CTNNA2: variants seen among roughly 807,000 people sequenced by gnomAD.
CTNNA2 encodes the protein catenin alpha-2.
CTNNA2 carries 42 observed loss-of-function variants against 101.0 expected under a neutral mutation model. That is an observed-to-expected ratio of 0.42 (90% CI 0.32 to 0.54). The LOEUF (loss-of-function observed/expected upper bound fraction) is 0.54. CTNNA2 is among the 20% of genes least tolerant of loss of function. The probability of loss-of-function intolerance (pLI) is 0.14; values close to 1 mark genes in which losing one functional copy is unlikely to be tolerated. For missense variants in CTNNA2, 871 were observed against 1,223.1 expected (o/e 0.71, Z 4.29); for synonymous variants, 450 against 456.4 (o/e 0.99, Z 0.18).
chr2:80,323,615 C>T (rs947982262), intron 7 of CTNNA2, among the ~76,000 whole-genome samples: 3 of 151,966 alleles, frequency 2.0e-5, no homozygotes, highest in Non-Finnish European at 2.9e-5. Flanking sequence ...TCTGTACTTT[C>T]ATCCTCTCAT....
At chr2:79,619,175 C>T (rs1678837617) in intron 1 of CTNNA2, among the ~76,000 whole-genome samples, 1 of 152,230 alleles carries the variant, frequency 6.6e-6, no homozygotes, top group African/African-American at 2.4e-5. Context: ...CACTGCACTC[C>T]AGCCTGGGTG....
chr2:79,529,240 T>C (rs1162515422), intron 1 of CTNNA2, among the ~76,000 whole-genome samples: 1 of 152,076 alleles, frequency 6.6e-6, no homozygotes, highest in Non-Finnish European at 1.5e-5. Flanking sequence ...ACAGGACTGA[T>C]TATACAGAAG....
At chr2:79,299,836 C>A (rs967243596) in intron 2 of CTNNA2, among the ~76,000 whole-genome samples, 2 of 152,146 alleles carry the variant, frequency 1.3e-5, no homozygotes, top group Non-Finnish European at 2.9e-5. Context: ...TGAGCTGAGG[C>A]TACTATATGC....
intron 2 of CTNNA2, among the ~76,000 whole-genome samples, chr2:79,735,340 A>T (rs1573826965): frequency 6.6e-6 from 1 of 152,144 alleles, no homozygotes; most frequent in African/African-American, 2.4e-5. Flanking sequence ...TGGCTCGTAG[A>T]CACTACTGAA....
chr2:79,930,970 A>T (rs2104420809), intron 7 of CTNNA2, among the ~76,000 whole-genome samples: 1 of 152,318 alleles, frequency 6.6e-6, no homozygotes, highest in South Asian at 2.1e-4. Flanking sequence ...TTGCCTCTTT[A>T]TTCAACCTGT....
rs190866691 is a variant in CTNNA2 at position 80,562,869 on chromosome 2, A to G, written c.1741+6976A>G. ...TCAAAAAAGGTAAATTATATAACAC[A>G]GGAAGAGAAAGTAAGATACAAAATT... On this transcript the variant is annotated intron_variant, in intron 12 of 18. Transcript: ENST00000402739. Among the ~76,000 whole-genome samples the G allele has an allele frequency of 2.1e-3, 325 of 152,278 alleles. 1 individual carries two copies. The highest frequency in any genetic ancestry group is 6.8e-3 in the Middle Eastern group (2 of 294).
chr2:80,217,822 T>A (rs1209016017), intron 7 of CTNNA2, among the ~76,000 whole-genome samples: 1 of 152,166 alleles, frequency 6.6e-6, no homozygotes, highest in Non-Finnish European at 1.5e-5. Flanking sequence ...CTGGACCACT[T>A]GATATTCTGC....
chr2:79,595,727 G>T (rs950199360), intron 1 of CTNNA2, among the ~76,000 whole-genome samples: 1 of 151,924 alleles, frequency 6.6e-6, no homozygotes, highest in Non-Finnish European at 1.5e-5. Flanking sequence ...GCTATTACAA[G>T]AATCTCTGAA....
Position 79,800,925 on chromosome 2 carries a change from G to A in CTNNA2, c.298+56343G>A, listed in dbSNP as rs77706178. 4.6e-3 allele frequency among the ~76,000 whole-genome samples: 694 copies of A among 152,234 alleles called. 4 individuals are homozygous for A. Among genetic ancestry groups the A allele is most frequent in the African/African-American group, 0.016 (664 of 41,542 alleles). ...TATGGAGATTTACTGAAAAGAACTGGTCCTGAAGACTTTGAAAAATATTCA... is the reference window on the plus strand; with the variant it reads ...TATGGAGATTTACTGAAAAGAACTGATCCTGAAGACTTTGAAAAATATTCA... On this transcript the variant is annotated intron_variant, in intron 3 of 18. Transcript: ENST00000402739.
chr2:79,972,630 C>A (rs151054984), intron 7 of CTNNA2, among the ~76,000 whole-genome samples: 8 of 152,080 alleles, frequency 5.3e-5, no homozygotes, highest in African/African-American at 1.9e-4. Context: ...GTAAGAGCTG[C>A]GGGTGTCTGG....
intron 7 of CTNNA2, among the ~76,000 whole-genome samples, chr2:80,367,653 T>C (rs976725903): frequency 1.3e-5 from 2 of 152,240 alleles, no homozygotes; most frequent in Non-Finnish European, 2.9e-5. Flanking sequence ...AGCATTATGA[T>C]TAACTTTTTT....
chr2:79,666,829 C>T (rs569236403), intron 2 of CTNNA2, among the ~76,000 whole-genome samples: 3 of 152,276 alleles, frequency 2.0e-5, no homozygotes, highest in South Asian at 4.1e-4. Flanking sequence ...TAGCTTAGGT[C>T]GGTTGAGCAT....
intron 11 of CTNNA2, among the ~76,000 whole-genome samples, chr2:80,549,761 C>G (rs1460404260): frequency 1.3e-5 from 2 of 152,152 alleles, no homozygotes; most frequent in Non-Finnish European, 2.9e-5. Flanking sequence ...TTGATCGCCC[C>G]TTCTCAATGG....
chr2:80,626,673 C>A (rs969771895), intron 18 of CTNNA2, among the ~76,000 whole-genome samples: 1 of 151,836 alleles, frequency 6.6e-6, no homozygotes, highest in South Asian at 2.1e-4. Flanking sequence ...AGATTCAATT[C>A]GAAGTAAGCA....
intron 9 of CTNNA2, among the ~76,000 whole-genome samples, chr2:80,440,749 CT>C (rs1261914593): frequency 2.0e-5 from 3 of 152,188 alleles, no homozygotes; most frequent in African/African-American, 7.2e-5. Flanking sequence ...TATTTGACAT[CT>C]CTTAGGGGGA....
At chr2:80,231,967 G>C (rs913257777) in intron 7 of CTNNA2, among the ~76,000 whole-genome samples, 2 of 152,008 alleles carry the variant, frequency 1.3e-5, no homozygotes, top group Non-Finnish European at 2.9e-5. Context: ...TACATAATAA[G>C]ACCCTTGGTC....
intron 4 of CTNNA2, among the ~76,000 whole-genome samples, chr2:79,862,379 G>A (rs547543616): frequency 3.3e-5 from 5 of 152,242 alleles, no homozygotes; most frequent in African/African-American, 1.2e-4. Context: ...GTGACTTTGT[G>A]AGTTTTGCAT....
At chr2:79,582,889 C>T (rs1020992189) in intron 1 of CTNNA2, among the ~76,000 whole-genome samples, 3 of 152,030 alleles carry the variant, frequency 2.0e-5, no homozygotes, top group African/African-American at 7.2e-5. Flanking sequence ...TCATCCTTTC[C>T]CCACTCACCT....
chr2:80,218,356 G>A (rs1057194469), intron 7 of CTNNA2, among the ~76,000 whole-genome samples: 1 of 152,200 alleles, frequency 6.6e-6, no homozygotes, highest in Non-Finnish European at 1.5e-5. Context: ...CCTGGAGGTG[G>A]GCAGACCTTC....
Sources: gnomAD v4.1 joint callset for allele counts (sites outside exome capture counted in the v4.1 genomes callset) on GRCh38, gnomAD v4.1.1 for gene constraint, MANE v1.5 for transcripts, NCBI Gene and HGNC (gene_info 2026-07-23, HGNC 2026-07-21) for gene names.